Variants in AUTS2 observed in about 807,000 individuals in gnomAD.
AUTS2 encodes activator of transcription and developmental regulator AUTS2, also known as autism susceptibility gene 2 protein.
In AUTS2, 17 loss-of-function variants were observed where a neutral mutation model predicts 112.4. The observed-to-expected ratio is 0.15, with a 90% confidence interval of 0.10 to 0.23. The LOEUF (loss-of-function observed/expected upper bound fraction) is 0.23. Among genes scored for constraint, AUTS2 ranks in the 10% least tolerant of loss-of-function variants. The probability of loss-of-function intolerance (pLI) is 1.00; values close to 1 mark genes in which losing one functional copy is unlikely to be tolerated. For synonymous variants in AUTS2, 751 were observed against 702.7 expected, an observed-to-expected ratio of 1.07 and a Z score of -1.09; for missense variants, 1,510 against 1,701.6, an observed-to-expected ratio of 0.89 and a Z score of 1.98.
intron 6 of AUTS2, among the ~76,000 whole-genome samples, chr7:70,739,909 C>G (rs1585604586): frequency 6.6e-6 from 1 of 151,692 alleles, no homozygotes; most frequent in East Asian, 1.9e-4. Context: ...CTTCCTCTTA[C>G]AAAAGACAGC....
At chr7:70,751,090 C>T (rs1788811238) in intron 6 of AUTS2, among the ~76,000 whole-genome samples, 1 of 152,130 alleles carries the variant, frequency 6.6e-6, no homozygotes, top group Non-Finnish European at 1.5e-5. Context: ...CAAAACACCC[C>T]AAAATCGTTG....
chr7:70,278,808 C>T (rs1387824558), intron 4 of AUTS2, among the ~76,000 whole-genome samples: 4 of 152,080 alleles, frequency 2.6e-5, no homozygotes, highest in African/African-American at 4.8e-5. Flanking sequence ...TGGTTGTTGT[C>T]GTTCTTTTAG....
At chr7:70,385,750 T>C (rs1793579281) in intron 4 of AUTS2, among the ~76,000 whole-genome samples, 1 of 152,014 alleles carries the variant, frequency 6.6e-6, no homozygotes, top group African/African-American at 2.4e-5. Context: ...AAAATAAAAT[T>C]TTCCGGACCA....
intron 2 of AUTS2, among the ~76,000 whole-genome samples, chr7:70,022,292 C>T (rs1259142381): frequency 1.3e-5 from 2 of 151,304 alleles, no homozygotes; most frequent in Non-Finnish European, 2.9e-5. Flanking sequence ...AGAGGCCATT[C>T]ACTGAACTTT....
At chr7:69,771,848 G>T (rs995871393) in intron 1 of AUTS2, among the ~76,000 whole-genome samples, 2 of 151,110 alleles carry the variant, frequency 1.3e-5, no homozygotes, top group Non-Finnish European at 2.9e-5. Flanking sequence ...GCAATGGCGC[G>T]ATCTCGGCTC....
intron 1 of AUTS2, among the ~76,000 whole-genome samples, chr7:69,830,008 T>G (rs756269670): frequency 6.6e-6 from 1 of 152,158 alleles, no homozygotes; most frequent in Non-Finnish European, 1.5e-5. Flanking sequence ...AGTGATAGAC[T>G]GGATAAAGAA....
intron 1 of AUTS2, among the ~76,000 whole-genome samples, chr7:69,689,493 G>A (rs1797219686): frequency 6.6e-6 from 1 of 150,564 alleles, no homozygotes; most frequent in Non-Finnish European, 1.5e-5. Context: ...TGGGACTACA[G>A]GTGCGTGCCA....
intron 4 of AUTS2, among the ~76,000 whole-genome samples, chr7:70,170,438 CTGCGCCTAGCCTAAATA>C (rs1562759260): frequency 6.6e-6 from 1 of 152,028 alleles, no homozygotes; most frequent in Admixed American, 6.6e-5. Context: ...ATTACAGCCA[CTGCGCCTAGCCTAAATA>C]TATTAATAAG....
chr7:69,824,358 G>C (rs907342366), intron 1 of AUTS2, among the ~76,000 whole-genome samples: 1 of 151,644 alleles, frequency 6.6e-6, no homozygotes, highest in Non-Finnish European at 1.5e-5. Context: ...GCAGTGAGCC[G>C]AGATCGCGCC....
At chr7:70,446,999 C>A (rs2131003942) in intron 5 of AUTS2, among the ~76,000 whole-genome samples, 1 of 152,304 alleles carries the variant, frequency 6.6e-6, no homozygotes, top group South Asian at 2.1e-4. Context: ...TTGATGACTT[C>A]AGCCCCCAGG....
At chr7:69,995,769 T>C (rs564684134) in intron 2 of AUTS2, among the ~76,000 whole-genome samples, 1 of 152,248 alleles carries the variant, frequency 6.6e-6, no homozygotes, top group South Asian at 2.1e-4. Flanking sequence ...AGGTGGTGAG[T>C]CAGTTTTTCT....
intron 1 of AUTS2, among the ~76,000 whole-genome samples, chr7:69,851,563 T>A (rs1277655555): frequency 6.6e-6 from 1 of 152,256 alleles, no homozygotes; most frequent in Non-Finnish European, 1.5e-5. Flanking sequence ...ATGTGAAATC[T>A]GCATATCAAT....
At chr7:70,618,432 C>A (rs938674258) in intron 5 of AUTS2, among the ~76,000 whole-genome samples, 18 of 152,166 alleles carry the variant, frequency 1.2e-4, no homozygotes, top group African/African-American at 4.1e-4. Flanking sequence ...TTACTTAGCT[C>A]GCAGTTTATG....
At position 70,791,018 on chromosome 7, in the gene AUTS2, G is replaced by A; in HGVS notation, c.*22G>A. 6.8e-7 allele frequency: 1 copy of A among 1,476,152 alleles called. No individual in the cohort carries two copies. Among genetic ancestry groups the A allele is most frequent in the Non-Finnish European group, 9.0e-7 (1 of 1,116,820 alleles). The allele number at this position is 1,476,152 out of a possible 1,614,324, so 91.4% of individuals were successfully genotyped here. ...ATAAGCCGAGAACAGGAGCAAGAAC[G>A]AGGAAGAAGAAACCCTAGGCAGACA... is the stretch of plus-strand genomic sequence containing the variant. On this transcript the variant is annotated 3_prime_UTR_variant, in exon 19 of 19. Coordinates refer to ENST00000342771, the MANE Select transcript of AUTS2 (RefSeq NM_015570.4).
Position 70,768,013 on chromosome 7 carries a change from T to A in AUTS2, c.1690-11T>A. The stretch of plus-strand genomic sequence containing the variant: ...ATTAAGTAACTAGCTTTTGCTTTGA[T>A]CCCTTTACAGTTTGACAAATACCCT... On this transcript the variant is annotated splice_polypyrimidine_tract_variant and intron_variant, in intron 9 of 18. Coordinates refer to ENST00000342771, the MANE Select transcript of AUTS2 (RefSeq NM_015570.4). 6.2e-7 allele frequency: 1 copy of A among 1,610,400 alleles called. No individual in the cohort carries two copies. Among genetic ancestry groups the A allele is most frequent in the Non-Finnish European group, 8.5e-7 (1 of 1,178,774 alleles).
chr7:69,749,542 T>C (rs1214692547), intron 1 of AUTS2, among the ~76,000 whole-genome samples: 1 of 152,210 alleles, frequency 6.6e-6, no homozygotes, highest in Middle Eastern at 3.2e-3. Context: ...CTTTGAATTT[T>C]TCTGTAAATA....
At chr7:70,763,594 C>T (rs566855061) in intron 7 of AUTS2, among the ~76,000 whole-genome samples, 3 of 151,804 alleles carry the variant, frequency 2.0e-5, no homozygotes, top group African/African-American at 4.8e-5. Flanking sequence ...AGAGTGGAGG[C>T]GGAAGGAGAG....
chr7:69,912,741 C>T (rs987637843), intron 2 of AUTS2, among the ~76,000 whole-genome samples: 1 of 152,164 alleles, frequency 6.6e-6, no homozygotes, highest in African/African-American at 2.4e-5. Context: ...TCCCTCCTTC[C>T]ACCCAGTGTC....
At chr7:70,069,335 GA>G (rs1777828066) in intron 2 of AUTS2, among the ~76,000 whole-genome samples, 1 of 152,190 alleles carries the variant, frequency 6.6e-6, no homozygotes, top group Admixed American at 6.5e-5. Context: ...CAAGATTGTA[GA>G]TACTCTCACA....
Sources: gnomAD v4.1 joint callset for allele counts (sites outside exome capture counted in the v4.1 genomes callset) on GRCh38, gnomAD v4.1.1 for gene constraint, MANE v1.5 for transcripts, NCBI Gene and HGNC (gene_info 2026-07-23, HGNC 2026-07-21) for gene names.